The following RARB variants were observed in gnomAD, a reference collection of about 807,000 sequenced individuals.
RARB encodes the protein retinoic acid receptor beta.
RARB carries 17 observed loss-of-function variants against 51.9 expected under a neutral mutation model. The observed-to-expected ratio is 0.33, with a 90% CI of 0.22 to 0.49. The LOEUF is 0.49. Ranked by LOEUF, RARB falls within the 20% of genes least tolerant of loss-of-function variation. The pLI, the probability that RARB is intolerant of heterozygous loss-of-function variation, is 0.99. For synonymous variants in RARB, 215 were observed against 195.4 expected (o/e 1.10, Z -0.84); for missense variants, 369 against 550.8 (o/e 0.67, Z 3.30).
intron 5 of RARB, among the ~76,000 whole-genome samples, chr3:25,253,592 A>AAGAGT (rs1702784845): frequency 6.6e-6 from 1 of 152,140 alleles, no homozygotes; most frequent in African/African-American, 2.4e-5. Context: ...AATAGAAAGG[A>AAGAGT]AGAGTAGAGG....
chr3:25,084,072 T>G (rs959735298), intron 3 of RARB, among the ~76,000 whole-genome samples: 1 of 152,192 alleles, frequency 6.6e-6, no homozygotes, highest in African/African-American at 2.4e-5. Context: ...TCTCAGTATT[T>G]GGCTAATGAC....
At position 25,442,118 on chromosome 3, in the gene RARB, T is replaced by TA. The variant is rs1312927711; in HGVS notation, c.157+13230_157+13231insA. ...GTGACTTTTTAATTTTATTTTATTT[T>TA]TATTTATTTATTTATTTATTTATTT... On this transcript the variant is annotated intron_variant, in intron 1 of 7. Transcript: ENST00000330688. Among the ~76,000 whole-genome samples, 6 of 63,552 alleles carry TA rather than the reference T, an allele frequency of 9.4e-5. No individual in the cohort carries two copies. In the East Asian group the frequency reaches 2.7e-3, roughly 28 times the overall value. The allele number at this position is 63,552 out of a possible 152,430, so 41.7% of individuals were successfully genotyped here.
At chr3:25,190,273 C>G (rs1009382719) in intron 5 of RARB, among the ~76,000 whole-genome samples, 13 of 152,024 alleles carry the variant, frequency 8.6e-5, no homozygotes, top group African/African-American at 3.1e-4. Flanking sequence ...CACATGTTCC[C>G]TTACACCCCC....
chr3:25,501,400 A>G (rs973614117), intron 3 of RARB, 77 bp downstream of exon 3: 1 of 1,544,100 alleles, frequency 6.5e-7, no homozygotes, highest in Non-Finnish European at 8.7e-7. Context: ...GTCATGTGGA[A>G]TTCACACACG....
rs1553615541 is a variant in RARB at position 25,442,116 on chromosome 3, T to TTA, written c.157+13229_157+13230insAT. On this transcript the variant is annotated intron_variant, in intron 1 of 7. Transcript: ENST00000330688. ...AAGTGACTTTTTAATTTTATTTTAT[T>TTA]TTTATTTATTTATTTATTTATTTAT... Among the ~76,000 whole-genome samples the TTA allele has an allele frequency of 5.7e-3, 842 of 147,828 alleles. 5 individuals carry two copies. Among genetic ancestry groups the TTA allele is most frequent in the Non-Finnish European group, 5.9e-3 (398 of 67,108 alleles).
At chr3:25,046,188 G>A (rs879917787) in intron 2 of RARB, among the ~76,000 whole-genome samples, 1 of 152,230 alleles carries the variant, frequency 6.6e-6, no homozygotes, top group African/African-American at 2.4e-5. Context: ...CGCTGGGCCT[G>A]TTGGCCTGAG....
In RARB at chr3:25,316,821, A is replaced by T. The variant is rs533515099; in HGVS notation, c.178+142246A>T. On this transcript the variant is annotated intron_variant, in intron 5 of 11. Coordinates refer to the RARB transcript ENST00000383772. ...CATTGGAGACATTTTAATAAATGGA[A>T]CCGATGACTATAAAGGACAGAGAAA... is the stretch of plus-strand genomic sequence containing the variant. Among the ~76,000 whole-genome samples the T allele has an allele frequency of 1.6e-4, 25 of 152,342 alleles. No homozygotes were observed. In the South Asian group the frequency reaches 3.5e-3, roughly 21 times the overall value.
intron 5 of RARB, among the ~76,000 whole-genome samples, chr3:25,352,919 G>T (rs533615455): frequency 1.3e-5 from 2 of 152,106 alleles, no homozygotes; most frequent in Non-Finnish European, 2.9e-5. Context: ...TCAAAGACTC[G>T]GCTTTTCTCA....
chr3:24,890,247 C>A (rs999258733), intron 2 of RARB, among the ~76,000 whole-genome samples: 7 of 152,154 alleles, frequency 4.6e-5, no homozygotes, highest in African/African-American at 1.7e-4. Flanking sequence ...GACTCACTCT[C>A]CTCTCTTCCC....
intron 2 of RARB, among the ~76,000 whole-genome samples, chr3:24,998,991 C>T (rs1697102182): frequency 6.6e-6 from 1 of 152,000 alleles, no homozygotes; most frequent in Admixed American, 6.6e-5. Context: ...ACTTGGATTC[C>T]AAGAATTTAA....
chr3:24,997,267 G>A (rs1311240800), intron 2 of RARB, among the ~76,000 whole-genome samples: 2 of 151,944 alleles, frequency 1.3e-5, no homozygotes, highest in Admixed American at 6.6e-5. Flanking sequence ...TGCCTGATAA[G>A]TATAGCTATT....
chr3:25,215,140 G>T (rs561473425), intron 5 of RARB, among the ~76,000 whole-genome samples: 1 of 152,316 alleles, frequency 6.6e-6, no homozygotes, highest in South Asian at 2.1e-4. Context: ...TGGGGCCCAA[G>T]TGTCAGTACC....
At chr3:25,302,515 C>CGA (rs1704065215) in intron 5 of RARB, among the ~76,000 whole-genome samples, 1 of 152,184 alleles carries the variant, frequency 6.6e-6, no homozygotes, top group African/African-American at 2.4e-5. Context: ...CACAAAGGCC[C>CGA]TATATTGTAT....
intron 2 of RARB, among the ~76,000 whole-genome samples, chr3:24,935,256 G>T (rs1421986248): frequency 1.3e-5 from 2 of 152,012 alleles, no homozygotes; most frequent in Non-Finnish European, 2.9e-5. Context: ...CATCCTACAT[G>T]TGTATATTAA....
intron 2 of RARB, among the ~76,000 whole-genome samples, chr3:24,923,032 A>C (rs1395966033): frequency 6.6e-6 from 1 of 152,186 alleles, no homozygotes; most frequent in Non-Finnish European, 1.5e-5. Context: ...AACTTCCAAA[A>C]TGATGACTTG....
chr3:25,489,357 A>G (rs941611995), intron 2 of RARB, among the ~76,000 whole-genome samples: 4 of 152,230 alleles, frequency 2.6e-5, no homozygotes, highest in Non-Finnish European at 2.9e-5. Context: ...GCCTGAATTT[A>G]TGATATTAGA....
At chr3:25,385,169 T>C (rs991213730) in intron 5 of RARB, among the ~76,000 whole-genome samples, 14 of 152,214 alleles carry the variant, frequency 9.2e-5, no homozygotes, top group African/African-American at 3.4e-4. Context: ...CATTTTAAGA[T>C]GTGCCCTCTC....
chr3:24,989,513 TTTTAATGTTTG>T (rs1696866185), intron 2 of RARB, among the ~76,000 whole-genome samples: 1 of 110,670 alleles, frequency 9.0e-6, no homozygotes. Context: ...TTGCAAGGTA[TTTTAATGTTTG>T]CCTGGCTGCT....
intron 2 of RARB, among the ~76,000 whole-genome samples, chr3:25,468,960 G>A (rs1426366570): frequency 6.6e-6 from 1 of 152,238 alleles, no homozygotes; most frequent in Non-Finnish European, 1.5e-5. Context: ...AGCCGTGATG[G>A]CGTGTCTTCT....
Sources: allele counts gnomAD v4.1 joint callset (sites outside exome capture counted in the v4.1 genomes callset), GRCh38; gene constraint gnomAD v4.1.1; transcripts MANE v1.5; gene names NCBI Gene and HGNC (gene_info 2026-07-23, HGNC 2026-07-21).